RAB22A: variants seen among roughly 807,000 people sequenced by gnomAD.
RAB22A encodes ras-related protein Rab-22A.
A neutral mutation model predicts 30.2 loss-of-function variants in RAB22A; 13 were observed. That is an observed-to-expected ratio of 0.43 (90% CI 0.28 to 0.68). The LOEUF (loss-of-function observed/expected upper bound fraction) is 0.68. RAB22A is among the 30% of genes least tolerant of loss of function. The pLI is 0.18. For synonymous variants in RAB22A, 89 were observed against 87.2 expected, an observed-to-expected ratio of 1.02 and a Z score of -0.11; for missense variants, 177 against 246.8, an observed-to-expected ratio of 0.72 and a Z score of 1.89.
chr20:58,337,587 G>A (rs1399901288), intron 2 of RAB22A, among the ~76,000 whole-genome samples: 1 of 152,116 alleles, frequency 6.6e-6, no homozygotes, highest in Non-Finnish European at 1.5e-5. Flanking sequence ...CACCTGACCA[G>A]TACCCCCAGT....
chr20:58,362,841 T>A lies in RAB22A; in HGVS notation c.*3138T>A, dbSNP rs999475275. 6.6e-6 allele frequency: 1 copy of A among 152,258 alleles called. No homozygotes were observed. Among genetic ancestry groups the A allele is most frequent in the Non-Finnish European group, 1.5e-5 (1 of 68,046 alleles). The allele number at this position is 152,258 out of a possible 1,614,324, so 9.4% of individuals were successfully genotyped here. A position where few individuals can be genotyped will look rare whatever the true frequency, so the allele number is the denominator to read the frequency against. ...TCCCATTGTGTACGCACTTTCTGGATGTCTGGAAGGATCGGGACTTTTGTG... is the reference window on the plus strand; with the variant it reads ...TCCCATTGTGTACGCACTTTCTGGAAGTCTGGAAGGATCGGGACTTTTGTG... On this transcript the variant is annotated 3_prime_UTR_variant, in exon 7 of 7. Transcript: ENST00000244040.
At chr20:58,336,330 A>G (rs1285708813) in intron 2 of RAB22A, among the ~76,000 whole-genome samples, 3 of 151,786 alleles carry the variant, frequency 2.0e-5, no homozygotes, top group Non-Finnish European at 4.4e-5. Flanking sequence ...TTTTTCAATT[A>G]TCCAGCCCAA....
intron 3 of RAB22A, among the ~76,000 whole-genome samples, chr20:58,349,210 T>G (rs1987003411): frequency 6.6e-6 from 1 of 152,172 alleles, no homozygotes; most frequent in African/African-American, 2.4e-5. Context: ...AAACAACTGT[T>G]TGAAGGCACT....
chr20:58,356,236 G>A (rs530864670), intron 6 of RAB22A, among the ~76,000 whole-genome samples: 26 of 151,614 alleles, frequency 1.7e-4, no homozygotes, highest in East Asian at 9.7e-4. Context: ...GCTTGAACCC[G>A]GGAGGTGGAG....
chr20:58,316,821 C>G (rs573742687), intron 2 of RAB22A, among the ~76,000 whole-genome samples: 1 of 152,206 alleles, frequency 6.6e-6, no homozygotes, highest in Non-Finnish European at 1.5e-5. Flanking sequence ...TTCCATGGAC[C>G]TTGGGGTAGA....
intron 3 of RAB22A, among the ~76,000 whole-genome samples, chr20:58,344,607 A>G (rs756181623): frequency 2.6e-5 from 4 of 152,248 alleles, no homozygotes; most frequent in Non-Finnish European, 5.9e-5. Context: ...GTTTTCAAAC[A>G]GTACGATCCA....
chr20:58,313,890 A>G (rs1986281450), intron 2 of RAB22A, among the ~76,000 whole-genome samples: 1 of 152,296 alleles, frequency 6.6e-6, no homozygotes, highest in African/African-American at 2.4e-5. Flanking sequence ...AATAGTTGCA[A>G]CTAAGCCTTG....
chr20:58,355,046 G>A (rs1355469986), intron 6 of RAB22A, among the ~76,000 whole-genome samples: 4 of 152,238 alleles, frequency 2.6e-5, no homozygotes, highest in African/African-American at 9.6e-5. Context: ...GAGGTCCAAA[G>A]AAGCAGGCCC....
intron 2 of RAB22A, among the ~76,000 whole-genome samples, chr20:58,330,890 G>A (rs1986650773): frequency 6.6e-6 from 1 of 152,164 alleles, no homozygotes; most frequent in South Asian, 2.1e-4. Context: ...CTCCCCAGTT[G>A]CATGTGCAAT....
At chr20:58,356,585 A>G (rs560843366) in intron 6 of RAB22A, among the ~76,000 whole-genome samples, 44 of 152,362 alleles carry the variant, frequency 2.9e-4, no homozygotes, top group African/African-American at 1.0e-3. Context: ...GAATTTTCAC[A>G]AACTGAATAT....
At chr20:58,324,864 TC>T (rs1263212765) in intron 2 of RAB22A, among the ~76,000 whole-genome samples, 1 of 64,078 alleles carries the variant, frequency 1.6e-5, no homozygotes. Flanking sequence ...AGACTCCGTC[TC>T]AAAAAAAAAA....
intron 3 of RAB22A, chr20:58,346,006 G>A (rs1006224549): frequency 3.7e-4 from 57 of 152,528 alleles, no homozygotes; most frequent in African/African-American, 1.3e-3. Flanking sequence ...CCACACTGCC[G>A]TGTTGCTCTA....
chr20:58,319,218 A>G (rs1986404035), intron 2 of RAB22A, among the ~76,000 whole-genome samples: 1 of 152,224 alleles, frequency 6.6e-6, no homozygotes, highest in African/African-American at 2.4e-5. Flanking sequence ...AAATTTAATA[A>G]GGCTATAAAA....
chr20:58,315,673 C>T (rs762283088), intron 2 of RAB22A, among the ~76,000 whole-genome samples: 8 of 151,998 alleles, frequency 5.3e-5, no homozygotes, highest in Non-Finnish European at 1.0e-4. Context: ...TGTAGTGGTA[C>T]TGTCATCATA....
intron 2 of RAB22A, among the ~76,000 whole-genome samples, chr20:58,327,667 A>G (rs529344499): frequency 2.7e-4 from 41 of 152,364 alleles, no homozygotes; most frequent in South Asian, 8.3e-4. Flanking sequence ...GGGAGTAGGG[A>G]ATAACCTCCA....
At chr20:58,311,222 A>C (rs1211777885) in intron 2 of RAB22A, 100 bp downstream of exon 2, 7 of 1,108,016 alleles carry the variant, frequency 6.3e-6, no homozygotes, top group Non-Finnish European at 9.7e-6. Context: ...GTAGTCATTG[A>C]ATTCTGAGTC....
chr20:58,338,591 A>G (rs968444055), intron 2 of RAB22A, among the ~76,000 whole-genome samples: 2 of 152,228 alleles, frequency 1.3e-5, no homozygotes, highest in African/African-American at 4.8e-5. Flanking sequence ...AATGCACACA[A>G]TACTTCACTG....
intron 2 of RAB22A, among the ~76,000 whole-genome samples, chr20:58,340,361 C>T (rs768973181): frequency 6.6e-6 from 1 of 152,128 alleles, no homozygotes. Context: ...CTCAGCCTTG[C>T]ACTAGTTGAG....
intron 2 of RAB22A, among the ~76,000 whole-genome samples, chr20:58,312,332 C>T (rs1986243824): frequency 6.7e-6 from 1 of 149,496 alleles, no homozygotes; most frequent in Non-Finnish European, 1.5e-5. Flanking sequence ...AATCATGGCT[C>T]ACTGCAGCCT....
Sources: gnomAD v4.1 joint callset for allele counts (sites outside exome capture counted in the v4.1 genomes callset) on GRCh38, gnomAD v4.1.1 for gene constraint, MANE v1.5 for transcripts, NCBI Gene and HGNC (gene_info 2026-07-23, HGNC 2026-07-21) for gene names.